PRPF18: variants seen among roughly 807,000 people sequenced by gnomAD.
PRPF18 encodes the protein pre-mRNA-splicing factor 18.
A neutral mutation model predicts 46.5 loss-of-function variants in PRPF18; 38 were observed. The observed-to-expected ratio is 0.82, with a 90% CI of 0.63 to 1.07. The LOEUF (loss-of-function observed/expected upper bound fraction) is 1.07, where lower values mean the gene tolerates loss of function less well. Among genes scored for constraint, PRPF18 ranks in the 50% least tolerant of loss-of-function variants. The pLI, the probability that PRPF18 is intolerant of heterozygous loss-of-function variation, is 0.00. For missense variants in PRPF18, 263 were observed against 410.0 expected (o/e 0.64, Z 3.10); for synonymous variants, 152 against 146.7 (o/e 1.04, Z -0.26).
At chr10:13,614,944 A>G (rs572406734) in intron 8 of PRPF18, among the ~76,000 whole-genome samples, 59 of 152,326 alleles carry the variant, frequency 3.9e-4, no homozygotes, top group African/African-American at 1.4e-3. Context: ...TTGCTTATCC[A>G]GTGCTGTATC....
At chr10:13,606,152 AAAG>A (rs1403763364) in intron 4 of PRPF18, among the ~76,000 whole-genome samples, 1 of 152,130 alleles carries the variant, frequency 6.6e-6, no homozygotes, top group Non-Finnish European at 1.5e-5. Context: ...AGTTGAAAAA[AAAG>A]AGAAAAAGGA....
rs191508783 is a variant in PRPF18 at position 13,591,837 on chromosome 10, C to A, written c.66+4685C>A. The A allele has an allele frequency of 4.8e-3, 6,820 of 1,432,022 alleles. 20 individuals carry two copies. The highest frequency in any genetic ancestry group is 5.7e-3 in the Non-Finnish European group (6,111 of 1,064,988). The allele number at this position is 1,432,022 out of a possible 1,614,324, so 88.7% of individuals were successfully genotyped here. On this transcript the variant is annotated intron_variant, in intron 1 of 9. Coordinates refer to ENST00000378572, the MANE Select transcript of PRPF18 (RefSeq NM_003675.4). Reference sequence around the variant, plus strand: ...CACTAGCCAGGTGCTTCAGGAAGACCGCCCTCTTGCCTCTGTGGAATCCAG... The same window carrying A: ...CACTAGCCAGGTGCTTCAGGAAGACAGCCCTCTTGCCTCTGTGGAATCCAG...
At chr10:13,620,389 C>G (rs1200221853) in intron 9 of PRPF18, among the ~76,000 whole-genome samples, 1 of 152,198 alleles carries the variant, frequency 6.6e-6, no homozygotes, top group Non-Finnish European at 1.5e-5. Flanking sequence ...TTATGAAAAT[C>G]ATTTAATAAT....
intron 8 of PRPF18, 130 bp from the exon 9 acceptor site, chr10:13,616,268 G>A: frequency 2.2e-6 from 2 of 896,596 alleles, no homozygotes; most frequent in Non-Finnish European, 3.4e-6. Context: ...AACAGTCATG[G>A]TAATATTTTC....
chr10:13,587,052 G>A lies in PRPF18; in HGVS notation c.-35G>A. The A allele has an allele frequency of 1.9e-6, 3 of 1,608,434 alleles. No homozygotes were observed. The highest frequency in any genetic ancestry group is 2.7e-5 in the African/African-American group (2 of 74,932). ...CAGTGAGGCTGGGTTCGAGGAGCTG[G>A]AGCGGGAAACTGGAGCTTAAATTCT... On this transcript the variant is annotated 5_prime_UTR_variant, in exon 1 of 10. Transcript: ENST00000378572.
the PRPF18 span, chr10:13,647,408 C>T: frequency 6.6e-6 from 1 of 152,190 alleles, no homozygotes; most frequent in Non-Finnish European, 1.5e-5. Context: ...CAAAGCTCCC[C>T]ACCAGGTGAT....
chr10:13,598,766 T>A (rs963337139), intron 2 of PRPF18, among the ~76,000 whole-genome samples: 1 of 152,202 alleles, frequency 6.6e-6, no homozygotes, highest in African/African-American at 2.4e-5. Context: ...CCCAGTGTTG[T>A]CTAACACACA....
intron 9 of PRPF18, among the ~76,000 whole-genome samples, chr10:13,621,889 C>T (rs2080425052): frequency 6.6e-6 from 1 of 152,168 alleles, no homozygotes; most frequent in South Asian, 2.1e-4. Flanking sequence ...ATCCATGTTT[C>T]AGGTTTTGGC....
chr10:13,634,804 C>G (rs989680416), downstream of PRPF18, among the ~76,000 whole-genome samples: 3 of 152,166 alleles, frequency 2.0e-5, no homozygotes, highest in Non-Finnish European at 1.5e-5. Flanking sequence ...TAAAAATATG[C>G]TGGTGGTTAT....
At chr10:13,624,143 A>G (rs557385948) in intron 9 of PRPF18, among the ~76,000 whole-genome samples, 27 of 151,954 alleles carry the variant, frequency 1.8e-4, no homozygotes, top group African/African-American at 6.0e-4. Flanking sequence ...TGCCTGGCTG[A>G]TTTTTTTTGT....
chr10:13,650,893 A>T, the PRPF18 span, among the ~76,000 whole-genome samples: 17 of 152,066 alleles, frequency 1.1e-4, no homozygotes, highest in Admixed American at 1.1e-3. Context: ...ATCTCCGTGA[A>T]CTCGAAAGTG....
At chr10:13,591,770 G>T in intron 1 of PRPF18, 2 of 1,375,502 alleles carry the variant, frequency 1.5e-6, no homozygotes, top group South Asian at 2.4e-5. Context: ...CTTCATAGAG[G>T]AACTCGATTG....
intron 3 of PRPF18, among the ~76,000 whole-genome samples, chr10:13,602,426 A>G (rs776872063): frequency 3.0e-4 from 46 of 151,602 alleles, no homozygotes; most frequent in Non-Finnish European, 6.2e-4. Context: ...CATAGTGTAT[A>G]TATATATTTG....
chr10:13,651,704 G>A, the PRPF18 span: 1 of 582,968 alleles, frequency 1.7e-6, no homozygotes, highest in African/African-American at 1.9e-5. Context: ...GTCTTTTCTG[G>A]GAAGCAGTGT....
At chr10:13,619,315 A>G (rs1178583035) in intron 9 of PRPF18, among the ~76,000 whole-genome samples, 2 of 152,254 alleles carry the variant, frequency 1.3e-5, no homozygotes, top group Non-Finnish European at 2.9e-5. Flanking sequence ...TAGTTAGTGT[A>G]AGACAAAGCT....
chr10:13,616,514 A>T lies in PRPF18; in HGVS notation c.909A>T (p.Ala303=). The part of the protein sequence containing the change: ...GREKIFSKHV[A]HVLNDETQRK... ...AAAAGATTTTTTCCAAGCATGTTGCACATGTTTTAAATGACGAAACTCAGC... is the reference window on the plus strand; with the variant it reads ...AAAAGATTTTTTCCAAGCATGTTGCTCATGTTTTAAATGACGAAACTCAGC... The change falls in exon 9 of 10, where the codon GCA becomes GCT. Residue 303 remains alanine, a synonymous_variant. Coordinates refer to ENST00000378572, the MANE Select transcript of PRPF18 (RefSeq NM_003675.4). 6.2e-7 allele frequency: 1 copy of T among 1,614,194 alleles called. No homozygotes were observed. Among genetic ancestry groups the T allele is most frequent in the East Asian group, 2.2e-5 (1 of 44,884 alleles).
chr10:13,591,835 A>G (rs10906419), intron 1 of PRPF18: 519,468 of 1,432,810 alleles, frequency 0.36, 99,295 homozygotes, highest in East Asian at 0.83. Flanking sequence ...CTTCAGGAAG[A>G]CCGCCCTCTT....
At chr10:13,648,541 C>A in the PRPF18 span, 1 of 152,110 alleles carries the variant, frequency 6.6e-6, no homozygotes, top group African/African-American at 2.4e-5. Context: ...ATGAGAGTCC[C>A]CCGATCAAAA....
chr10:13,616,615 C>G, intron 9 of PRPF18, 62 bp downstream of exon 9: 3 of 1,577,436 alleles, frequency 1.9e-6, no homozygotes, highest in Non-Finnish European at 2.6e-6. Flanking sequence ...TCCCAAAACT[C>G]TAAGTCTGGA....
Sources: gnomAD v4.1 joint callset for allele counts (sites outside exome capture counted in the v4.1 genomes callset) on GRCh38, gnomAD v4.1.1 for gene constraint, MANE v1.5 for transcripts, NCBI Gene and HGNC (gene_info 2026-07-23, HGNC 2026-07-21) for gene names.